Variants in GPSM1 observed in about 807,000 individuals in gnomAD.
GPSM1 encodes G protein-signaling modulator 1.
In GPSM1, 48 loss-of-function variants were observed where a neutral mutation model predicts 70.5. The ratio of observed to expected loss-of-function variants is 0.68; its 90% CI spans 0.54 to 0.87. The LOEUF (loss-of-function observed/expected upper bound fraction) is 0.87, where lower values mean the gene tolerates loss of function less well. Ranked by LOEUF, GPSM1 falls within the 40% of genes least tolerant of loss-of-function variation. The pLI, the probability that GPSM1 is intolerant of heterozygous loss-of-function variation, is 0.00. For missense variants in GPSM1, 981 were observed against 972.6 expected (o/e 1.01, Z -0.11); for synonymous variants, 416 against 430.1 (o/e 0.97, Z 0.41).
chr9:136,327,776 G>C lies in GPSM1; in HGVS notation c.68+13G>C. 3 of 1,078,208 alleles carry C rather than the reference G, an allele frequency of 2.8e-6. No homozygotes were observed. The highest frequency in any genetic ancestry group is 3.5e-6 in the Non-Finnish European group (3 of 864,732). The allele number at this position is 1,078,208 out of a possible 1,614,324, so 66.8% of individuals were successfully genotyped here. A position where few individuals can be genotyped will look rare whatever the true frequency, so the allele number is the denominator to read the frequency against. On this transcript the variant is annotated intron_variant, in intron 1 of 13. Transcript: ENST00000440944. ...GCCTCTACTCCAGGTAGGACGGGCC[G>C]GGGCCGGGGCCGGGGCCGGGGCTGG...
At position 136,340,478 on chromosome 9, in the gene GPSM1, A is replaced by G. The variant is rs1832360494; in HGVS notation, c.1084-392A>G. Among the ~76,000 whole-genome samples, 1 of 151,742 alleles carries G rather than the reference A, an allele frequency of 6.6e-6. No individual in the cohort carries two copies. The highest frequency in any genetic ancestry group is 2.4e-5 in the African/African-American group (1 of 41,302). On this transcript the variant is annotated intron_variant, in intron 8 of 13. Coordinates refer to ENST00000440944, the MANE Select transcript of GPSM1 (RefSeq NM_001145638.3). The surrounding 1 kb of genome is among the most constrained non-coding windows in gnomAD (Gnocchi z 7.3). Reference sequence around the variant, plus strand: ...TCTCTTCTGCTTGACTTAAGCAAACAGTTAGTTCCTGAGTGATGTGGATGT... The same window carrying G: ...TCTCTTCTGCTTGACTTAAGCAAACGGTTAGTTCCTGAGTGATGTGGATGT...
Position 136,349,741 on chromosome 9 carries a change from TC to T in GPSM1, c.1435del (p.Arg479GlyfsTer24). On this transcript the variant is annotated frameshift_variant, in exon 11 of 14. Coordinates refer to ENST00000440944, the MANE Select transcript of GPSM1 (RefSeq NM_001145638.3). LOFTEE classifies it high-confidence loss of function. ...CACTCCCCGCTGGACAGCGCCGACGTCCGGGTGCACGTGCCACGCACGGTAG... is the reference window on the plus strand; with the variant it reads ...CACTCCCCGCTGGACAGCGCCGACGTCGGGTGCACGTGCCACGCACGGTAG... Reference protein sequence around the residue: ...GSHSPLDSADVRVHVPRTSIP... With the variant: ...GSHSPLDSADXRVHVPRTSIP... 1 of 1,580,878 alleles carries T rather than the reference TC, an allele frequency of 6.3e-7. No individual in the cohort carries two copies. Among genetic ancestry groups the T allele is most frequent in the Non-Finnish European group, 8.6e-7 (1 of 1,165,066 alleles).
Position 136,327,706 on chromosome 9 carries a change from C to G in GPSM1, c.11C>G (p.Pro4Arg). 2.6e-6 allele frequency: 3 copies of G among 1,154,786 alleles called. No homozygotes were observed. Among genetic ancestry groups the G allele is most frequent in the Non-Finnish European group, 3.2e-6 (3 of 939,824 alleles). The allele number at this position is 1,154,786 out of a possible 1,614,324, so 71.5% of individuals were successfully genotyped here. ...CCGCGTCCCCGACCCATGGCGGGCC[C>G]GGCCCCGCCCGCGGCCGACGAGCTC... Reference protein sequence around the residue: MAGPAPPAADELPG... With the variant: MAGRAPPAADELPG... Residue 4 changes from proline (P) to arginine (R), a missense_variant, in exon 1 of 14, where the codon CCG becomes CGG. Pro to Arg is a moderately radical substitution (Grantham distance 103). Coordinates refer to ENST00000440944, the MANE Select transcript of GPSM1 (RefSeq NM_001145638.3).
At chr9:136,349,013 A>G (rs1317877784) in intron 10 of GPSM1, among the ~76,000 whole-genome samples, 1 of 152,194 alleles carries the variant, frequency 6.6e-6, no homozygotes, top group Non-Finnish European at 1.5e-5. Context: ...TACTCCACCC[A>G]GCTGCTATGC....
chr9:136,350,437 C>T (rs1384019425), intron 11 of GPSM1, among the ~76,000 whole-genome samples: 1 of 152,210 alleles, frequency 6.6e-6, no homozygotes, highest in East Asian at 1.9e-4. Flanking sequence ...TGGGAAGCCC[C>T]TAAGCCACAC....
At position 136,341,154 on chromosome 9, in the gene GPSM1, G is replaced by C; in HGVS notation, c.1207+161G>C. The C allele has an allele frequency of 6.5e-7, 1 of 1,549,992 alleles. No homozygotes were observed. Among genetic ancestry groups the C allele is most frequent in the Middle Eastern group, 1.7e-4 (1 of 5,908 alleles). The stretch of plus-strand genomic sequence containing the variant: ...TCTTCTTGGCCTCAGGGACAGCACA[G>C]GCCTGAGGTTCACCCTGAGCCCTTC... On this transcript the variant is annotated intron_variant, in intron 9 of 13. Coordinates refer to ENST00000440944, the MANE Select transcript of GPSM1 (RefSeq NM_001145638.3). The surrounding 1 kb of genome is among the most constrained non-coding windows in gnomAD (Gnocchi z 6.7).
intron 9 of GPSM1, among the ~76,000 whole-genome samples, chr9:136,348,283 C>T (rs1832571598): frequency 6.6e-6 from 1 of 152,270 alleles, no homozygotes; most frequent in Admixed American, 6.5e-5. Flanking sequence ...GCCTCCGGGG[C>T]ACAGCATGAT....
intron 13 of GPSM1, among the ~76,000 whole-genome samples, chr9:136,357,331 CAG>C (rs1203299836): frequency 2.0e-5 from 3 of 152,206 alleles, no homozygotes; most frequent in African/African-American, 7.2e-5. Context: ...CTCCCCACAG[CAG>C]AGAGGAAACC....
At chr9:136,338,818 T>C (rs1391720250) in intron 7 of GPSM1, 108 bp downstream of exon 7, 4 of 1,151,870 alleles carry the variant, frequency 3.5e-6, no homozygotes, top group Non-Finnish European at 4.8e-6. Flanking sequence ...CCACTGACCA[T>C]GCTGTGACCC....
intron 2 of GPSM1, among the ~76,000 whole-genome samples, chr9:136,335,039 G>T (rs1387435168): frequency 6.6e-6 from 1 of 152,180 alleles, no homozygotes; most frequent in African/African-American, 2.4e-5. Flanking sequence ...CTGGGTTTCA[G>T]CTGACAGGCG....
chr9:136,335,803 G>C (rs533050610), intron 2 of GPSM1, among the ~76,000 whole-genome samples, 163 bp from the exon 3 acceptor site: 2 of 152,246 alleles, frequency 1.3e-5, no homozygotes, highest in East Asian at 3.9e-4. Context: ...TCACTTGCCC[G>C]GCCTGTGGGC....
intron 10 of GPSM1, among the ~76,000 whole-genome samples, chr9:136,349,320 C>T (rs541198550): frequency 6.6e-6 from 1 of 152,352 alleles, no homozygotes; most frequent in South Asian, 2.1e-4. Context: ...GCTGTGGGGA[C>T]GAGACCCAAG....
Position 136,358,426 on chromosome 9 carries a change from C to T in GPSM1, c.*206C>T, listed in dbSNP as rs3812549. ...ATCCCGGGCTGGCCCCCATGGCCCT[C>T]AGCTTCCTCCCTTCTGCCCCTGCCG... is the stretch of plus-strand genomic sequence containing the variant. On this transcript the variant is annotated 3_prime_UTR_variant, in exon 14 of 14. Transcript: ENST00000440944. The T allele has an allele frequency of 7.2e-5, 42 of 584,360 alleles. No homozygotes were observed. The Admixed American group carries it at 1.1e-3, about 15-fold the overall frequency. 36.2% of individuals were successfully genotyped at this position (584,360 alleles called of 1,614,324 possible). A position where few individuals can be genotyped will look rare whatever the true frequency, so the allele number is the denominator to read the frequency against.
chr9:136,330,498 T>C (rs1832075563), intron 1 of GPSM1, among the ~76,000 whole-genome samples: 1 of 152,178 alleles, frequency 6.6e-6, no homozygotes, highest in African/African-American at 2.4e-5. Context: ...TGACCTTCAG[T>C]CCCCTCTCCA....
At chr9:136,354,758 GGC>G (rs1554772688) in intron 11 of GPSM1, 28 of 921,942 alleles carry the variant, frequency 3.0e-5, no homozygotes, top group Non-Finnish European at 3.6e-5. Context: ...TGAGGCCCAG[GGC>G]GGGGTTCATT....
rs369786452 is a variant in GPSM1, at chr9:136,342,210, C to T, written c.1207+1217C>T. ...GGTTTCCTAAGGGTGGGGAGCTCTG[C>T]CGAGAGCTCCTGCGGCACCCCTAGT... On this transcript the variant is annotated intron_variant, in intron 9 of 13. Transcript: ENST00000440944. This position sits in a 1 kb window ranked among gnomAD's most constrained non-coding sequence, Gnocchi z 5.5. 1.5e-3 allele frequency among the ~76,000 whole-genome samples: 224 copies of T among 152,196 alleles called. 1 individual carries two copies. The highest frequency in any genetic ancestry group is 4.9e-3 in the African/African-American group (204 of 41,514).
Position 136,341,020 on chromosome 9 carries a change from T to C in GPSM1, c.1207+27T>C. On this transcript the variant is annotated intron_variant, in intron 9 of 13. Transcript: ENST00000440944. The surrounding 1 kb of genome is among the most constrained non-coding windows in gnomAD (Gnocchi z 6.7). ...TGAGTTCCAGGGTTGTGGGGGGGTC[T>C]TGCTCCCCACAGGCACGGACCGCAT... 1 of 1,561,574 alleles carries C rather than the reference T, an allele frequency of 6.4e-7. No homozygotes were observed. Among genetic ancestry groups the C allele is most frequent in the South Asian group, 1.2e-5 (1 of 84,956 alleles).
intron 4 of GPSM1, 100 bp from the exon 5 acceptor site, chr9:136,337,341 G>A: frequency 6.7e-7 from 1 of 1,498,324 alleles, no homozygotes; most frequent in Non-Finnish European, 8.9e-7. Flanking sequence ...CCAGGGCATG[G>A]CCCTGAGGCC....
chr9:136,353,549 G>A (rs1832727990), intron 11 of GPSM1, among the ~76,000 whole-genome samples: 1 of 152,194 alleles, frequency 6.6e-6, no homozygotes, highest in Non-Finnish European at 1.5e-5. Flanking sequence ...TGCAGTCGTG[G>A]GCCCCTGCCC....
Sources: allele counts gnomAD v4.1 joint callset (sites outside exome capture counted in the v4.1 genomes callset), GRCh38; gene constraint gnomAD v4.1.1; non-coding constraint Gnocchi (gnomAD v3.1); transcripts MANE v1.5; gene names NCBI Gene and HGNC (gene_info 2026-07-23, HGNC 2026-07-21).